CDH23: variants seen among roughly 807,000 people sequenced by gnomAD.
CDH23 encodes the protein cadherin related 23.
In CDH23, 189 loss-of-function variants were observed where a neutral mutation model predicts 317.1. The ratio of observed to expected loss-of-function variants is 0.60; its 90% confidence interval spans 0.53 to 0.67. The LOEUF (loss-of-function observed/expected upper bound fraction) is 0.67. CDH23 is among the 30% of genes least tolerant of loss of function. The probability of loss-of-function intolerance (pLI) is 0.00; values close to 1 mark genes in which losing one functional copy is unlikely to be tolerated. For missense variants in CDH23, 4,401 were observed against 4,592.4 expected, an observed-to-expected ratio of 0.96 and a Z score of 1.20; for synonymous variants, 1,839 against 1,876.8, an observed-to-expected ratio of 0.98 and a Z score of 0.52.
At chr10:71,791,454 G>T in intron 47 of CDH23, 119 bp downstream of exon 47, 1 of 822,974 alleles carries the variant, frequency 1.2e-6, no homozygotes, top group East Asian at 2.7e-5. Flanking sequence ...TGGGCAGCAG[G>T]GTGAGTGTAG....
chr10:71,481,873 G>T (rs1466953670), intron 3 of CDH23, among the ~76,000 whole-genome samples: 2 of 152,154 alleles, frequency 1.3e-5, no homozygotes, highest in African/African-American at 4.8e-5. Flanking sequence ...GCCTACATGG[G>T]TGACTGAGCC....
chr10:71,688,752 G>A (rs1482063790), intron 19 of CDH23, among the ~76,000 whole-genome samples: 3 of 133,896 alleles, frequency 2.2e-5, no homozygotes, highest in Admixed American at 7.4e-5. Context: ...GGAGCCAGGG[G>A]TGGTGGAGCC....
chr10:71,410,644 C>T (rs1848307627), intron 1 of CDH23, among the ~76,000 whole-genome samples: 1 of 152,184 alleles, frequency 6.6e-6, no homozygotes, highest in African/African-American at 2.4e-5. Flanking sequence ...ATTACCAGAG[C>T]CATTACCCGT....
At chr10:71,793,053 G>A (rs969670983) in intron 47 of CDH23, 129 bp from the exon 48 acceptor site, 6 of 625,368 alleles carry the variant, frequency 9.6e-6, no homozygotes, top group African/African-American at 9.2e-5. Context: ...TATGAAAAAG[G>A]TATAAAAGAA....
rs1282659333 is a variant in CDH23 at position 71,751,093 on chromosome 10, G to A, written c.4845+9172G>A. On this transcript the variant is annotated intron_variant, in intron 38 of 69. Transcript: ENST00000224721. The surrounding 1 kb of genome is among the most constrained non-coding windows in gnomAD (Gnocchi z 4.9). ...CAGCATCCCCATGTAGCATCCAGAGGGGTTGAGGGGCTGGGCTTCTGGGAT... is the reference window on the plus strand; with the variant it reads ...CAGCATCCCCATGTAGCATCCAGAGAGGTTGAGGGGCTGGGCTTCTGGGAT... The A allele has an allele frequency of 4.8e-6, 4 of 832,424 alleles. No homozygotes were observed. The Admixed American group carries it at 1.2e-4, about 24-fold the overall frequency. The allele number at this position is 832,424 out of a possible 1,614,324, so 51.6% of individuals were successfully genotyped here.
intron 1 of CDH23, among the ~76,000 whole-genome samples, chr10:71,429,915 G>A (rs10740378): frequency 0.86 from 131,512 of 152,240 alleles, 56,958 homozygotes; most frequent in African/African-American, 0.89. Context: ...GCTGAGATAG[G>A]TGCCTCCAAC....
intron 3 of CDH23, among the ~76,000 whole-genome samples, chr10:71,486,719 G>A (rs939276559): frequency 5.3e-5 from 8 of 152,300 alleles, no homozygotes; most frequent in South Asian, 4.1e-4. Context: ...AAACTCCAGC[G>A]CTGTACTCTT....
intron 3 of CDH23, among the ~76,000 whole-genome samples, chr10:71,470,366 C>T (rs1210041947): frequency 6.6e-6 from 1 of 152,240 alleles, no homozygotes; most frequent in Non-Finnish European, 1.5e-5. Context: ...GTGCAACCAT[C>T]ACCACTGCCT....
chr10:71,761,315 A>G (rs909956660), intron 38 of CDH23, among the ~76,000 whole-genome samples: 1 of 152,184 alleles, frequency 6.6e-6, no homozygotes, highest in South Asian at 2.1e-4. Flanking sequence ...TGATGTCATC[A>G]TGAGCAGTCA....
chr10:71,503,113 A>G (rs879328580), intron 3 of CDH23, among the ~76,000 whole-genome samples: 8 of 152,244 alleles, frequency 5.3e-5, no homozygotes, highest in Non-Finnish European at 1.0e-4. Context: ...CCTGGAAGGC[A>G]GATGTGGACT....
chr10:71,409,237 G>T (rs910751776), intron 1 of CDH23, among the ~76,000 whole-genome samples: 8 of 152,164 alleles, frequency 5.3e-5, no homozygotes. Flanking sequence ...CTAATGTGTG[G>T]GGTCCGTCAT....
intron 28 of CDH23, chr10:71,715,299 G>C (rs1431618805): frequency 6.6e-6 from 1 of 152,220 alleles, no homozygotes; most frequent in African/African-American, 2.4e-5. Flanking sequence ...CACCAAGACG[G>C]CTGCCAAGAC....
intron 6 of CDH23, among the ~76,000 whole-genome samples, chr10:71,513,248 A>T (rs1015408340): frequency 6.6e-6 from 1 of 152,090 alleles, no homozygotes; most frequent in Non-Finnish European, 1.5e-5. Context: ...GGGATGTGGT[A>T]TCAGCTGGAC....
intron 9 of CDH23, among the ~76,000 whole-genome samples, chr10:71,600,284 G>A (rs921060013): frequency 7.2e-5 from 11 of 152,090 alleles, no homozygotes; most frequent in African/African-American, 2.7e-4. Context: ...TTACAGGCGT[G>A]AGCGACCGTA....
chr10:71,797,190 C>G lies in CDH23; in HGVS notation c.6799C>G (p.Leu2267Val). The stretch of plus-strand genomic sequence containing the variant: ...CTCAGTGATTGACAATGCCAGCGAC[C>G]TACCAGAGCGCTCTGTCAGTGTGCC... ...TLSVIDNASD[L>V]PERSVSVPNA... The change falls in exon 49 of 70, where the codon CTA becomes GTA. Residue 2267 changes from leucine to valine, a missense_variant. Around this residue, in one of 3 missense-constraint regions of CDH23, gnomAD observed 3,068 missense variants for 3,203.3 expected, o/e 0.96. Coordinates refer to ENST00000224721, the MANE Select transcript of CDH23 (RefSeq NM_022124.6). 6.2e-7 allele frequency: 1 copy of G among 1,613,210 alleles called. No individual in the cohort carries two copies. Among genetic ancestry groups the G allele is most frequent in the African/African-American group, 1.3e-5 (1 of 75,032 alleles).
intron 11 of CDH23, among the ~76,000 whole-genome samples, chr10:71,620,231 C>A (rs193202225): frequency 4.5e-4 from 69 of 152,242 alleles, no homozygotes; most frequent in African/African-American, 1.6e-3. Flanking sequence ...TAGTTATGTG[C>A]CCCCACCTCA....
rs774668964 is a variant in CDH23, at chr10:71,677,499, A to G, written c.1558A>G (p.Arg520Gly). The change falls in exon 16 of 70, where the codon AGG becomes GGG. Residue 520 changes from arginine (R) to glycine (G), a missense_variant. Around this residue, in one of 3 missense-constraint regions of CDH23, gnomAD observed 3,068 missense variants for 3,203.3 expected, o/e 0.96. Coordinates refer to ENST00000224721, the MANE Select transcript of CDH23 (RefSeq NM_022124.6). ...CACGGGACTCATCATGCTGATTGCC[A>G]GGCTGGACTATGAGCTCATCCAGCG... ...KDTGLIMLIA[R>G]LDYELIQRFT... The G allele has an allele frequency of 8.1e-6, 13 of 1,611,830 alleles. No homozygotes were observed. The South Asian group carries it at 1.3e-4, about 16-fold the overall frequency.
chr10:71,794,940 G>T (rs536771370), intron 48 of CDH23, among the ~76,000 whole-genome samples: 1 of 152,298 alleles, frequency 6.6e-6, no homozygotes, highest in Admixed American at 6.5e-5. Flanking sequence ...TCATGGGTGT[G>T]CATCATGGGG....
chr10:71,521,973 G>A (rs1854717362), intron 6 of CDH23, among the ~76,000 whole-genome samples: 1 of 152,136 alleles, frequency 6.6e-6, no homozygotes, highest in Non-Finnish European at 1.5e-5. Context: ...CTGAGTCTTG[G>A]GCGAGTCGTC....
Sources: gnomAD v4.1 joint callset for allele counts (sites outside exome capture counted in the v4.1 genomes callset) on GRCh38, gnomAD v4.1.1 for gene constraint, gnomAD v4.1.1 regional missense constraint, Gnocchi (gnomAD v3.1) non-coding constraint, MANE v1.5 for transcripts, NCBI Gene and HGNC (gene_info 2026-07-23, HGNC 2026-07-21) for gene names.